C9orf85: variants seen among roughly 807,000 people sequenced by gnomAD.
C9orf85 encodes chromosome 9 open reading frame 85.
Under a neutral mutation model 14.9 loss-of-function variants are expected in C9orf85, and 16 were observed. That is an observed-to-expected ratio of 1.08 (90% confidence interval 0.73 to 1.63). C9orf85 has a LOEUF of 1.63. Ranked by LOEUF, C9orf85 falls within the 40% of genes most tolerant of loss-of-function variation. C9orf85 has a pLI of 0.00. For missense variants in C9orf85, 172 were observed against 186.1 expected (o/e 0.92, Z 0.44); for synonymous variants, 45 against 56.8 (o/e 0.79, Z 0.93).
chr9:71,941,141 G>A (rs998810233), intron 1 of C9orf85, among the ~76,000 whole-genome samples: 6 of 152,086 alleles, frequency 3.9e-5, no homozygotes, highest in Non-Finnish European at 5.9e-5. Context: ...TTAAGCTGAC[G>A]ATCTTTTTTA....
chr9:71,913,470 G>A (rs2069830158), intron 1 of C9orf85, among the ~76,000 whole-genome samples: 2 of 152,068 alleles, frequency 1.3e-5, no homozygotes. Context: ...GCTCAGTAAG[G>A]GAGAATAAGG....
At chr9:71,922,827 T>TA (rs1266501644) in intron 1 of C9orf85, among the ~76,000 whole-genome samples, 1 of 152,204 alleles carries the variant, frequency 6.6e-6, no homozygotes, top group Non-Finnish European at 1.5e-5. Flanking sequence ...CTGCTGTACT[T>TA]ACAAAGTTTT....
downstream of C9orf85, chr9:71,984,579 A>AGGTCCAAGCTGCCAGGGTAGTG (rs1458983591): frequency 3.3e-5 from 5 of 152,302 alleles, no homozygotes; most frequent in Non-Finnish European, 5.9e-5. Flanking sequence ...CAGCAGGCAA[A>AGGTCCAAGCTGCCAGGGTAGTG]GGTCCAAGCT....
rs1374900237 is a variant in C9orf85, at chr9:71,942,871, C to T, written c.103-4135C>T. Reference sequence around the variant, plus strand: ...TGAGCCAAGATCATGCCACTGCACTCCAGCCTGGGCAACAGAGTGAGACTC... The same window carrying T: ...TGAGCCAAGATCATGCCACTGCACTTCAGCCTGGGCAACAGAGTGAGACTC... On this transcript the variant is annotated intron_variant, in intron 1 of 3. Transcript: ENST00000334731. Among the ~76,000 whole-genome samples the T allele has an allele frequency of 2.7e-5, 4 of 149,468 alleles. No homozygotes were observed. In the East Asian group the frequency reaches 7.9e-4, roughly 30 times the overall value.
At chr9:71,956,324 G>A (rs906640261) in intron 2 of C9orf85, among the ~76,000 whole-genome samples, 2 of 135,732 alleles carry the variant, frequency 1.5e-5, no homozygotes, top group Admixed American at 8.6e-5. Flanking sequence ...ATCTTGGCTC[G>A]CCACAACCTC....
intron 2 of C9orf85, among the ~76,000 whole-genome samples, chr9:71,963,540 G>A (rs530056207): frequency 1.2e-4 from 19 of 152,346 alleles, no homozygotes; most frequent in African/African-American, 3.1e-4. Context: ...AGGTGTGGAG[G>A]GAGAGGCGTG....
intron 3 of C9orf85, chr9:71,982,628 ATTTCTT>A: frequency 6.7e-6 from 2 of 297,148 alleles, no homozygotes; most frequent in Admixed American, 5.2e-5. Flanking sequence ...TAATTTGTAT[ATTTCTT>A]TTTTTTTTTT....
intron 1 of C9orf85, among the ~76,000 whole-genome samples, chr9:71,929,346 C>G (rs925850435): frequency 3.9e-5 from 6 of 152,188 alleles, no homozygotes; most frequent in African/African-American, 1.4e-4. Context: ...ACCGGTTGGA[C>G]AAGATCTCAA....
chr9:71,985,271 A>C (rs575993675), downstream of C9orf85: 94 of 152,328 alleles, frequency 6.2e-4, no homozygotes, highest in African/African-American at 2.1e-3. Context: ...AGAGGAAAGT[A>C]ATTGTGAGGC....
At chr9:71,925,513 C>T (rs188226281) in intron 1 of C9orf85, among the ~76,000 whole-genome samples, 4 of 152,244 alleles carry the variant, frequency 2.6e-5, no homozygotes, top group East Asian at 1.9e-4. Context: ...AAGGTTCTGT[C>T]GGCAGAAAGC....
At chr9:71,937,238 G>A (rs1378878225) in intron 1 of C9orf85, among the ~76,000 whole-genome samples, 2 of 152,122 alleles carry the variant, frequency 1.3e-5, no homozygotes, top group Non-Finnish European at 2.9e-5. Flanking sequence ...CCAGAAAAAG[G>A]TACTGCCACA....
intron 2 of C9orf85, among the ~76,000 whole-genome samples, chr9:71,966,919 T>C (rs1822707911): frequency 6.6e-6 from 1 of 152,366 alleles, no homozygotes; most frequent in Non-Finnish European, 1.5e-5. Flanking sequence ...TTTATATCTG[T>C]TGTTTACTTC....
intron 2 of C9orf85, among the ~76,000 whole-genome samples, chr9:71,959,474 A>G (rs1206827687): frequency 6.6e-6 from 1 of 152,180 alleles, no homozygotes; most frequent in East Asian, 1.9e-4. Context: ...CATATGTTGG[A>G]TTCTAATAAC....
At chr9:71,935,787 G>A (rs1828173605) in intron 1 of C9orf85, among the ~76,000 whole-genome samples, 1 of 152,184 alleles carries the variant, frequency 6.6e-6, no homozygotes, top group Non-Finnish European at 1.5e-5. Context: ...GATGAAAAGA[G>A]TTCTGGACAT....
downstream of C9orf85, among the ~76,000 whole-genome samples, chr9:71,974,752 C>A (rs1486979026): frequency 1.3e-5 from 2 of 152,056 alleles, no homozygotes; most frequent in African/African-American, 4.8e-5. Flanking sequence ...AGATTTTATC[C>A]CCTTGTTCAT....
chr9:71,935,367 C>T (rs141995875), intron 1 of C9orf85, among the ~76,000 whole-genome samples: 86 of 152,114 alleles, frequency 5.7e-4, no homozygotes, highest in Non-Finnish European at 1.1e-3. Context: ...CTGAAGTATC[C>T]ATCTAGGGAA....
chr9:71,945,292 T>C (rs571822782), intron 1 of C9orf85, among the ~76,000 whole-genome samples: 120 of 152,310 alleles, frequency 7.9e-4, no homozygotes, highest in African/African-American at 2.7e-3. Context: ...ATGATAACTA[T>C]TAATAAGTAC....
Position 71,982,710 on chromosome 9 carries a change from AC to A in C9orf85, c.379del (p.His127ThrfsTer18). ...GAGTGCAGTGGCAGGATCTTGGCTC[AC>A]CACAACCTCCGCCTCCCTTGTTCAA... On this transcript the variant is annotated frameshift_variant, in exon 4 of 4. Transcript: ENST00000377031. LOFTEE classifies it low-confidence loss of function (END_TRUNC). 1 of 354,696 alleles carries A rather than the reference AC, an allele frequency of 2.8e-6. No homozygotes were observed. The highest frequency in any genetic ancestry group is 1.0e-4 in the East Asian group (1 of 9,990). The allele number at this position is 354,696 out of a possible 1,614,324, so 22.0% of individuals were successfully genotyped here.
intron 1 of C9orf85, among the ~76,000 whole-genome samples, chr9:71,940,133 A>G (rs147226505): frequency 5.9e-5 from 9 of 152,334 alleles, no homozygotes; most frequent in African/African-American, 2.2e-4. Flanking sequence ...TTGGGAGAAT[A>G]TATTTGCAAA....
Sources: allele counts gnomAD v4.1 joint callset (sites outside exome capture counted in the v4.1 genomes callset), GRCh38; gene constraint gnomAD v4.1.1; transcripts MANE v1.5; gene names NCBI Gene and HGNC (gene_info 2026-07-23, HGNC 2026-07-21).